Variants in PPP3CA observed in about 807,000 individuals in gnomAD.
The protein encoded by PPP3CA is CAM-PRP catalytic subunit.
A neutral mutation model predicts 66.5 loss-of-function variants in PPP3CA; 14 were observed. That is an observed-to-expected ratio of 0.21 (90% CI 0.14 to 0.33). PPP3CA has a LOEUF of 0.33. Among genes scored for constraint, PPP3CA ranks in the 10% least tolerant of loss-of-function variants. The pLI, the probability that PPP3CA is intolerant of heterozygous loss-of-function variation, is 1.00. For synonymous variants in PPP3CA, 232 were observed against 226.2 expected (o/e 1.03, Z -0.23); for missense variants, 317 against 639.5 (o/e 0.50, Z 5.44).
intron 3 of PPP3CA, chr4:101,107,969 TC>T (rs1721492271): frequency 6.6e-6 from 1 of 152,212 alleles, no homozygotes; most frequent in African/African-American, 2.4e-5. Flanking sequence ...TCAAACCACT[TC>T]TTTCAATAAA....
rs1257326154 is a variant in PPP3CA, at chr4:101,278,132, A to ATAAAT, written c.58+68606_58+68607insATTTA. Among the ~76,000 whole-genome samples the ATAAAT allele has an allele frequency of 6.1e-4, 87 of 143,368 alleles. 1 individual carries two copies. The highest frequency in any genetic ancestry group is 2.5e-3 in the African/African-American group (84 of 33,782). The allele number at this position is 143,368 out of a possible 152,430, so 94.1% of individuals were successfully genotyped here. ...TTTAAAAGCTATTAGTAAAAAAAAA[A>ATAAAT]AAAAAAATAAAAAAATTAAAAAGTT... On this transcript the variant is annotated intron_variant, in intron 1 of 13. Transcript: ENST00000394854.
At chr4:101,089,757 ATTAT>A (rs1287799222) in intron 6 of PPP3CA, among the ~76,000 whole-genome samples, 4 of 152,126 alleles carry the variant, frequency 2.6e-5, no homozygotes, top group African/African-American at 7.2e-5. Flanking sequence ...CATTATAGGT[ATTAT>A]TTGAGTGTGC....
chr4:101,160,271 T>C (rs574621294), intron 2 of PPP3CA, among the ~76,000 whole-genome samples: 9 of 152,240 alleles, frequency 5.9e-5, no homozygotes, highest in Non-Finnish European at 5.9e-5. Context: ...GGAAAATCCA[T>C]TGACAACGAC....
At chr4:101,230,827 A>G (rs1325840126) in intron 1 of PPP3CA, among the ~76,000 whole-genome samples, 1 of 151,662 alleles carries the variant, frequency 6.6e-6, no homozygotes, top group East Asian at 1.9e-4. Flanking sequence ...TCATACCTCT[A>G]TCCTGAAGAC....
chr4:101,080,676 A>G, intron 7 of PPP3CA, 50 bp from the exon 8 acceptor site: 1 of 1,125,536 alleles, frequency 8.9e-7, no homozygotes, highest in South Asian at 2.0e-5. Flanking sequence ...AAAAAAGATA[A>G]TATCAAATCA....
chr4:101,146,360 G>T (rs1038170228), intron 2 of PPP3CA, among the ~76,000 whole-genome samples: 1 of 152,106 alleles, frequency 6.6e-6, no homozygotes, highest in Non-Finnish European at 1.5e-5. Flanking sequence ...CTGAAAGTCA[G>T]TGTTATCCTA....
chr4:101,253,403 A>G (rs982575671), intron 1 of PPP3CA, among the ~76,000 whole-genome samples: 7 of 152,176 alleles, frequency 4.6e-5, no homozygotes, highest in African/African-American at 1.7e-4. Context: ...AAAGACAATG[A>G]TAATACTGAA....
At chr4:101,080,439 G>A in intron 8 of PPP3CA, 93 bp downstream of exon 8, 1 of 572,658 alleles carries the variant, frequency 1.7e-6, no homozygotes, top group Non-Finnish European at 2.7e-6. Flanking sequence ...AAAAAAGACT[G>A]GTTAAAATAC....
At chr4:101,297,612 T>C (rs1728238073) in intron 1 of PPP3CA, among the ~76,000 whole-genome samples, 1 of 152,110 alleles carries the variant, frequency 6.6e-6, no homozygotes, top group South Asian at 2.1e-4. Flanking sequence ...GAGTCAACCA[T>C]GCCAGCCCAG....
In PPP3CA at chr4:101,347,342, C is replaced by CGCTGCCGCTGTTGCT. The variant is rs1247466033; in HGVS notation, c.-561_-547dup. The CGCTGCCGCTGTTGCT allele has an allele frequency of 4.4e-4, 89 of 204,018 alleles. No individual in the cohort carries two copies. Among genetic ancestry groups the CGCTGCCGCTGTTGCT allele is most frequent in the African/African-American group, 2.1e-3 (86 of 41,840 alleles). 12.6% of individuals were successfully genotyped at this position (204,018 alleles called of 1,614,324 possible). ...CCGCCGCTGCTGCCGCTGCTGCTGC[C>CGCTGCCGCTGTTGCT]GCTGCCGCTGTTGCTGCTGCCGCTG... On this transcript the variant is annotated 5_prime_UTR_variant, in exon 1 of 14. Coordinates refer to ENST00000394854, the MANE Select transcript of PPP3CA (RefSeq NM_000944.5).
chr4:101,135,453 G>A (rs1247998498), intron 2 of PPP3CA, among the ~76,000 whole-genome samples: 3 of 152,218 alleles, frequency 2.0e-5, no homozygotes, highest in East Asian at 1.9e-4. Flanking sequence ...ACATTATTCT[G>A]GGTCTTGAAA....
At chr4:101,302,119 A>G (rs927135769) in intron 1 of PPP3CA, among the ~76,000 whole-genome samples, 1 of 152,176 alleles carries the variant, frequency 6.6e-6, no homozygotes, top group Non-Finnish European at 1.5e-5. Flanking sequence ...TGAAAAACAA[A>G]ATGTATAAAT....
At position 101,306,852 on chromosome 4, in the gene PPP3CA, G is replaced by A. The variant is rs139063667; in HGVS notation, c.58+39887C>T. Among the ~76,000 whole-genome samples, 1,282 of 152,172 alleles carry A rather than the reference G, an allele frequency of 8.4e-3. 16 individuals are homozygous for A. The highest frequency in any genetic ancestry group is 0.03 in the African/African-American group (1,242 of 41,514). ...TTTTTTGTCTGTTTGTTTAGTTGTGGTAGCTCCTTTAGTTAAGATGTGAGA... is the reference window on the plus strand; with the variant it reads ...TTTTTTGTCTGTTTGTTTAGTTGTGATAGCTCCTTTAGTTAAGATGTGAGA... On this transcript the variant is annotated intron_variant, in intron 1 of 13. Transcript: ENST00000394854.
At chr4:101,075,761 C>T (rs900861293) in intron 8 of PPP3CA, among the ~76,000 whole-genome samples, 18 of 152,174 alleles carry the variant, frequency 1.2e-4, no homozygotes, top group African/African-American at 4.3e-4. Flanking sequence ...TGTCACTTCC[C>T]CAATTAGTCC....
At chr4:101,336,792 C>A (rs1317141717) in intron 1 of PPP3CA, among the ~76,000 whole-genome samples, 1 of 151,986 alleles carries the variant, frequency 6.6e-6, no homozygotes, top group Non-Finnish European at 1.5e-5. Flanking sequence ...AGGGAGCTGC[C>A]TCTCACTAGA....
intron 1 of PPP3CA, among the ~76,000 whole-genome samples, chr4:101,330,672 C>T (rs1270870188): frequency 6.6e-6 from 1 of 152,044 alleles, no homozygotes; most frequent in Non-Finnish European, 1.5e-5. Flanking sequence ...TCCAAACCGA[C>T]AATATCTCCA....
rs1722622298 is a variant in PPP3CA, at chr4:101,136,412, G to A, written c.260-27334C>T. ...AAAAATTAGCTGGACATGGTGGCATGTGCCTGTAGTCCCAGCTACTTGGCA... is the reference window on the plus strand; with the variant it reads ...AAAAATTAGCTGGACATGGTGGCATATGCCTGTAGTCCCAGCTACTTGGCA... On this transcript the variant is annotated intron_variant, in intron 2 of 13. Coordinates refer to ENST00000394854, the MANE Select transcript of PPP3CA (RefSeq NM_000944.5). Among the ~76,000 whole-genome samples, 2 of 152,072 alleles carry A rather than the reference G, an allele frequency of 1.3e-5. 1 individual carries two copies. The highest frequency in any genetic ancestry group is 4.1e-4 in the South Asian group (2 of 4,822).
intron 2 of PPP3CA, among the ~76,000 whole-genome samples, chr4:101,189,687 CA>C (rs554383258): frequency 4.4e-3 from 318 of 72,562 alleles, no homozygotes; most frequent in South Asian, 0.011. Flanking sequence ...TAGTGAACGG[CA>C]AAAAAAAAAA....
At chr4:101,035,879 A>T (rs1054770646) in intron 11 of PPP3CA, among the ~76,000 whole-genome samples, 1 of 152,090 alleles carries the variant, frequency 6.6e-6, no homozygotes, top group Non-Finnish European at 1.5e-5. Flanking sequence ...TCTTTGCCCT[A>T]GGTGTTGTAA....
Sources: gnomAD v4.1 joint callset for allele counts (sites outside exome capture counted in the v4.1 genomes callset) on GRCh38, gnomAD v4.1.1 for gene constraint, MANE v1.5 for transcripts, NCBI Gene and HGNC (gene_info 2026-07-23, HGNC 2026-07-21) for gene names.